Variants in ZDHHC14 observed in about 807,000 individuals in gnomAD.
ZDHHC14 encodes zDHHC palmitoyltransferase 14.
A neutral mutation model predicts 47.7 loss-of-function variants in ZDHHC14; 16 were observed. That is an observed-to-expected ratio of 0.34 (90% CI 0.23 to 0.51). The LOEUF is 0.51. Ranked by LOEUF, ZDHHC14 falls within the 20% of genes least tolerant of loss-of-function variation. The probability of loss-of-function intolerance (pLI) is 0.97; values close to 1 mark genes in which losing one functional copy is unlikely to be tolerated. For missense variants in ZDHHC14, 515 were observed against 662.5 expected (o/e 0.78, Z 2.44); for synonymous variants, 293 against 278.9 (o/e 1.05, Z -0.50).
intron 1 of ZDHHC14, among the ~76,000 whole-genome samples, chr6:157,525,024 A>G (rs979422544): frequency 2.6e-5 from 4 of 152,186 alleles, no homozygotes; most frequent in Non-Finnish European, 5.9e-5. Flanking sequence ...TGCAATCAAG[A>G]TATGGCTGGG....
chr6:157,449,091 C>T (rs1276256549), intron 1 of ZDHHC14, among the ~76,000 whole-genome samples: 1 of 152,138 alleles, frequency 6.6e-6, no homozygotes, highest in Admixed American at 6.5e-5. Context: ...CCTCAGGCAC[C>T]CAGGACCATA....
chr6:157,381,925 G>C lies in ZDHHC14; in HGVS notation c.-97G>C, dbSNP rs1777219237. Reference sequence around the variant, plus strand: ...TAGGGGCCGCGGCGCCGCGGCTCGGGGGGCGGCCGGGCGGCCGGCGGCGGT... The same window carrying C: ...TAGGGGCCGCGGCGCCGCGGCTCGGCGGGCGGCCGGGCGGCCGGCGGCGGT... On this transcript the variant is annotated 5_prime_UTR_variant, in exon 1 of 9. Coordinates refer to ENST00000359775, the MANE Select transcript of ZDHHC14 (RefSeq NM_024630.3). 1.0e-6 allele frequency: 1 copy of C among 965,802 alleles called. No homozygotes were observed. The highest frequency in any genetic ancestry group is 6.4e-5 in the Admixed American group (1 of 15,614). The allele number at this position is 965,802 out of a possible 1,614,324, so 59.8% of individuals were successfully genotyped here.
intron 1 of ZDHHC14, among the ~76,000 whole-genome samples, chr6:157,531,298 C>G (rs1044268270): frequency 6.6e-6 from 1 of 152,098 alleles, no homozygotes; most frequent in Non-Finnish European, 1.5e-5. Flanking sequence ...CCTGCCCCCC[C>G]CGGACATGCC....
Position 157,647,330 on chromosome 6 carries a change from C to T in ZDHHC14, c.927C>T (p.Thr309=), listed in dbSNP as rs1777606612. Residue 309 remains threonine, a synonymous_variant, in exon 7 of 9, where the codon ACC becomes ACT. Coordinates refer to ENST00000359775, the MANE Select transcript of ZDHHC14 (RefSeq NM_024630.3). ...YNPYSYGNIF[T]NCCVALCGPI... The stretch of plus-strand genomic sequence containing the variant: ...CCTACAGCTACGGAAATATCTTTAC[C>T]AACTGCTGTGTTGCCCTGTGTGGGC... 5.6e-6 allele frequency: 9 copies of T among 1,614,010 alleles called. No homozygotes were observed. Among genetic ancestry groups the T allele is most frequent in the Non-Finnish European group, 7.6e-6 (9 of 1,179,972 alleles).
At chr6:157,611,663 C>G (rs1784755062) in intron 3 of ZDHHC14, among the ~76,000 whole-genome samples, 1 of 152,220 alleles carries the variant, frequency 6.6e-6, no homozygotes, top group Admixed American at 6.5e-5. Context: ...GGACTCTGGC[C>G]AAGTGCTCAC....
chr6:157,663,233 C>T (rs1422351915), intron 8 of ZDHHC14, among the ~76,000 whole-genome samples: 1 of 152,220 alleles, frequency 6.6e-6, no homozygotes, highest in African/African-American at 2.4e-5. Context: ...AGAACATCGG[C>T]AGGAGAGGAT....
At chr6:157,457,722 G>GTAGA (rs1438281657) in intron 1 of ZDHHC14, among the ~76,000 whole-genome samples, 1 of 152,212 alleles carries the variant, frequency 6.6e-6, no homozygotes, top group Non-Finnish European at 1.5e-5. Context: ...GGTCTGACAT[G>GTAGA]TAGATCCTGT....
chr6:157,533,613 C>T (rs936093981), intron 1 of ZDHHC14, among the ~76,000 whole-genome samples: 4 of 152,172 alleles, frequency 2.6e-5, no homozygotes, highest in Admixed American at 2.0e-4. Context: ...TCAAAGAGGT[C>T]ACAGGAGCCA....
At chr6:157,533,696 G>T (rs1222626229) in intron 1 of ZDHHC14, among the ~76,000 whole-genome samples, 1 of 152,168 alleles carries the variant, frequency 6.6e-6, no homozygotes, top group African/African-American at 2.4e-5. Flanking sequence ...GGCTTGAGCT[G>T]GTGCATTGGG....
chr6:157,413,865 C>T (rs915683705), intron 1 of ZDHHC14, among the ~76,000 whole-genome samples: 2 of 152,120 alleles, frequency 1.3e-5, no homozygotes, highest in Non-Finnish European at 2.9e-5. Context: ...TGTATTCCCT[C>T]CACCCTGGAA....
chr6:157,645,940 C>G, intron 6 of ZDHHC14, 101 bp downstream of exon 6: 4 of 1,015,174 alleles, frequency 3.9e-6, no homozygotes, highest in Non-Finnish European at 5.9e-6. Flanking sequence ...CCCATACATC[C>G]CGTTCCAGAT....
rs115003089 is a variant in ZDHHC14, at chr6:157,651,496, A to G, written c.966-2029A>G. ...TCTGCAGAGACGCTACTTGCAAGTAAGGTCACACTCGCAGGTACCAGGTTA... is the reference window on the plus strand; with the variant it reads ...TCTGCAGAGACGCTACTTGCAAGTAGGGTCACACTCGCAGGTACCAGGTTA... On this transcript the variant is annotated intron_variant, in intron 7 of 8. Coordinates refer to ENST00000359775, the MANE Select transcript of ZDHHC14 (RefSeq NM_024630.3). Among the ~76,000 whole-genome samples, 514 of 152,328 alleles carry G rather than the reference A, an allele frequency of 3.4e-3. 7 individuals are homozygous for G. The highest frequency in any genetic ancestry group is 0.012 in the African/African-American group (488 of 41,558).
chr6:157,658,092 C>A (rs953953076), intron 8 of ZDHHC14, among the ~76,000 whole-genome samples: 1 of 152,114 alleles, frequency 6.6e-6, no homozygotes, highest in Non-Finnish European at 1.5e-5. Context: ...TTATTATTAT[C>A]CCCCTGAGAC....
At chr6:157,434,733 C>T (rs1258585319) in intron 1 of ZDHHC14, among the ~76,000 whole-genome samples, 5 of 152,126 alleles carry the variant, frequency 3.3e-5, no homozygotes, top group African/African-American at 7.2e-5. Context: ...GAGCTTGGCA[C>T]GACGGGGAGG....
At chr6:157,549,661 C>T (rs1782142164) in intron 2 of ZDHHC14, among the ~76,000 whole-genome samples, 1 of 152,148 alleles carries the variant, frequency 6.6e-6, no homozygotes, top group Non-Finnish European at 1.5e-5. Flanking sequence ...CAAGAAACCC[C>T]AGCCTGGGAG....
At position 157,529,369 on chromosome 6, in the gene ZDHHC14, G is replaced by A. The variant is rs189349015; in HGVS notation, c.246-13216G>A. ...GTATTTAAGCAAAACTAACCAGTAC[G>A]GTCTTTGTTTAGTATACATGTATTT... On this transcript the variant is annotated intron_variant, in intron 1 of 8. Transcript: ENST00000359775. 2.6e-5 allele frequency among the ~76,000 whole-genome samples: 4 copies of A among 152,288 alleles called. No homozygotes were observed. The East Asian group carries it at 7.7e-4, about 29-fold the overall frequency.
intron 5 of ZDHHC14, among the ~76,000 whole-genome samples, chr6:157,640,813 G>A (rs571961087): frequency 7.2e-5 from 11 of 152,186 alleles, no homozygotes; most frequent in Non-Finnish European, 1.0e-4. Context: ...ATATGTTCTC[G>A]TTGTAAAAAA....
chr6:157,644,578 T>C (rs1777428400), intron 5 of ZDHHC14, among the ~76,000 whole-genome samples: 1 of 152,220 alleles, frequency 6.6e-6, no homozygotes, highest in Admixed American at 6.5e-5. Context: ...GATGGTGGCA[T>C]CGGTTAACCA....
intron 1 of ZDHHC14, among the ~76,000 whole-genome samples, chr6:157,403,347 T>C (rs1034786159): frequency 7.2e-5 from 11 of 152,224 alleles, no homozygotes; most frequent in African/African-American, 2.7e-4. Flanking sequence ...TTTGTGAAAT[T>C]TGTGGTCATT....
Sources: gnomAD v4.1 joint callset for allele counts (sites outside exome capture counted in the v4.1 genomes callset) on GRCh38, gnomAD v4.1.1 for gene constraint, MANE v1.5 for transcripts, NCBI Gene and HGNC (gene_info 2026-07-23, HGNC 2026-07-21) for gene names.